PDE3A: variants seen among roughly 807,000 people sequenced by gnomAD.
The protein encoded by PDE3A is cGMP-inhibited 3',5'-cyclic phosphodiesterase 3A.
In PDE3A, 43 loss-of-function variants were observed where a neutral mutation model predicts 98.3. That is an observed-to-expected ratio of 0.44 (90% CI 0.34 to 0.56). The LOEUF is 0.56. PDE3A is among the 20% of genes least tolerant of loss of function. The pLI is 0.01. For synonymous variants in PDE3A, 663 were observed against 567.9 expected, an observed-to-expected ratio of 1.17 and a Z score of -2.38; for missense variants, 1,427 against 1,440.7, an observed-to-expected ratio of 0.99 and a Z score of 0.15.
intron 15 of PDE3A, among the ~76,000 whole-genome samples, chr12:20,664,562 A>T (rs1945261004): frequency 6.6e-6 from 1 of 152,166 alleles, no homozygotes; most frequent in African/African-American, 2.4e-5. Context: ...TGTTGTGGAA[A>T]GGACCCAATG....
At position 20,553,728 on chromosome 12, in the gene PDE3A, G is replaced by A. The variant is rs770504833; in HGVS notation, c.961-2932G>A. On this transcript the variant is annotated intron_variant, in intron 1 of 15. Transcript: ENST00000359062. ...ACGTGGGGCCAGGCGTGTGGCTGAC[G>A]CTGTCCGACGAAGGCGGCCACGGAC... Among the ~76,000 whole-genome samples, 6 of 152,246 alleles carry A rather than the reference G, an allele frequency of 3.9e-5. No homozygotes were observed. In the South Asian group the frequency reaches 1.0e-3, roughly 26 times the overall value.
chr12:20,625,729 C>T (rs1043265072), intron 5 of PDE3A, among the ~76,000 whole-genome samples: 1 of 152,236 alleles, frequency 6.6e-6, no homozygotes, highest in South Asian at 2.1e-4. Flanking sequence ...GCCCAAAATT[C>T]CTTGTGTCTT....
chr12:20,517,637 C>T (rs1317048229), intron 1 of PDE3A, among the ~76,000 whole-genome samples: 2 of 152,048 alleles, frequency 1.3e-5, no homozygotes, highest in Admixed American at 6.6e-5. Flanking sequence ...TATTTATTTA[C>T]AAATAAGTAA....
At chr12:20,397,925 AAGG>A (rs1191834742) in intron 1 of PDE3A, among the ~76,000 whole-genome samples, 16 of 152,308 alleles carry the variant, frequency 1.1e-4, no homozygotes, top group African/African-American at 3.4e-4. Flanking sequence ...TTGATTAAAT[AAGG>A]AGAGGCTTTG....
chr12:20,421,307 G>A (rs1299023646), intron 1 of PDE3A, among the ~76,000 whole-genome samples: 1 of 151,862 alleles, frequency 6.6e-6, no homozygotes, highest in Admixed American at 6.6e-5. Context: ...ATGTTTTGAT[G>A]TTCAACAGCC....
At chr12:20,583,151 G>A (rs1294012954) in intron 2 of PDE3A, among the ~76,000 whole-genome samples, 1 of 152,008 alleles carries the variant, frequency 6.6e-6, no homozygotes, top group Non-Finnish European at 1.5e-5. Context: ...CCTCTACTTT[G>A]CCTCATTCAT....
intron 1 of PDE3A, among the ~76,000 whole-genome samples, chr12:20,458,204 T>C (rs1269889129): frequency 6.6e-6 from 1 of 152,068 alleles, no homozygotes; most frequent in Non-Finnish European, 1.5e-5. Flanking sequence ...TAGCTTTGCC[T>C]CAAGATTGTT....
chr12:20,606,111 A>C (rs1592103852), intron 2 of PDE3A, among the ~76,000 whole-genome samples: 1 of 152,218 alleles, frequency 6.6e-6, no homozygotes, highest in East Asian at 1.9e-4. Flanking sequence ...CATTTTAAAG[A>C]ATAAATTTAT....
intron 1 of PDE3A, among the ~76,000 whole-genome samples, chr12:20,441,729 G>C (rs758045691): frequency 1.3e-5 from 2 of 152,062 alleles, no homozygotes; most frequent in Non-Finnish European, 2.9e-5. Flanking sequence ...GGATGTTTTT[G>C]AGCAGAGTGA....
chr12:20,665,734 T>C (rs1945291309), intron 15 of PDE3A, among the ~76,000 whole-genome samples: 1 of 152,156 alleles, frequency 6.6e-6, no homozygotes, highest in Admixed American at 6.5e-5. Context: ...TGATTTTTTA[T>C]AGTCATTTTC....
At chr12:20,482,367 C>CT (rs1385544038) in intron 1 of PDE3A, among the ~76,000 whole-genome samples, 1 of 151,872 alleles carries the variant, frequency 6.6e-6, no homozygotes, top group East Asian at 1.9e-4. Flanking sequence ...TATAAGTGTG[C>CT]TTTTCTCTTG....
At chr12:20,417,959 A>G (rs1944449492) in intron 1 of PDE3A, among the ~76,000 whole-genome samples, 1 of 152,222 alleles carries the variant, frequency 6.6e-6, no homozygotes, top group Non-Finnish European at 1.5e-5. Context: ...AAAATAACAG[A>G]AAATCAATAG....
At chr12:20,498,124 A>C (rs1945955639) in intron 1 of PDE3A, among the ~76,000 whole-genome samples, 1 of 152,176 alleles carries the variant, frequency 6.6e-6, no homozygotes, top group Non-Finnish European at 1.5e-5. Flanking sequence ...TATCCATATC[A>C]AGCATTTTCC....
At chr12:20,543,770 T>A (rs2121227942) in intron 1 of PDE3A, among the ~76,000 whole-genome samples, 1 of 152,168 alleles carries the variant, frequency 6.6e-6, no homozygotes, top group African/African-American at 2.4e-5. Context: ...AATGCCTAAG[T>A]TTGATTATAT....
At chr12:20,667,532 CCTTT>C (rs1565469997) in intron 15 of PDE3A, among the ~76,000 whole-genome samples, 1 of 152,158 alleles carries the variant, frequency 6.6e-6, no homozygotes, top group East Asian at 1.9e-4. Flanking sequence ...AAAAAGATGT[CCTTT>C]CTTCAATATA....
chr12:20,406,819 C>G (rs1368110274), intron 1 of PDE3A, among the ~76,000 whole-genome samples: 1 of 152,008 alleles, frequency 6.6e-6, no homozygotes, highest in Non-Finnish European at 1.5e-5. Flanking sequence ...TTAGAGGAGT[C>G]TTATGGCTTC....
At chr12:20,624,914 G>C (rs1322764776) in intron 5 of PDE3A, among the ~76,000 whole-genome samples, 3 of 152,166 alleles carry the variant, frequency 2.0e-5, no homozygotes, top group African/African-American at 7.2e-5. Flanking sequence ...AAGCTGGGAA[G>C]AGCCCCCTCG....
intron 15 of PDE3A, among the ~76,000 whole-genome samples, chr12:20,663,016 G>A (rs1196611847): frequency 1.3e-5 from 2 of 152,200 alleles, no homozygotes; most frequent in Admixed American, 6.5e-5. Context: ...GGGACTTGGT[G>A]CCGTGAGTCC....
At chr12:20,643,529 T>C (rs187177336) in intron 10 of PDE3A, among the ~76,000 whole-genome samples, 21 of 152,314 alleles carry the variant, frequency 1.4e-4, no homozygotes, top group Middle Eastern at 3.4e-3. Flanking sequence ...TTTCTATTCT[T>C]CAATCTAAGT....
Sources: allele counts gnomAD v4.1 joint callset (sites outside exome capture counted in the v4.1 genomes callset), GRCh38; gene constraint gnomAD v4.1.1; transcripts MANE v1.5; gene names NCBI Gene and HGNC (gene_info 2026-07-23, HGNC 2026-07-21).